Variants in PPFIA1 observed in about 807,000 individuals in gnomAD.
PPFIA1 encodes PPFI scaffold protein A1, also known as liprin-alpha-1.
In PPFIA1, 25 loss-of-function variants were observed where a neutral mutation model predicts 149.9. That is an observed-to-expected ratio of 0.17 (90% CI 0.12 to 0.23). PPFIA1 has a LOEUF of 0.23. PPFIA1 is among the 10% of genes least tolerant of loss of function. PPFIA1 has a pLI of 1.00. For missense variants in PPFIA1, 1,362 were observed against 1,506.5 expected (o/e 0.90, Z 1.59); for synonymous variants, 549 against 552.8 (o/e 0.99, Z 0.10).
intron 2 of PPFIA1, among the ~76,000 whole-genome samples, chr11:70,279,917 G>A (rs933302790): frequency 4.0e-5 from 6 of 151,506 alleles, no homozygotes; most frequent in Admixed American, 1.3e-4. Flanking sequence ...GTGTGTGTGT[G>A]TATATTTTTG....
At chr11:70,335,816 C>G in intron 11 of PPFIA1, 122 bp downstream of exon 11, 2 of 1,176,828 alleles carry the variant, frequency 1.7e-6, no homozygotes, top group Admixed American at 4.3e-5. Context: ...GGGAATTATT[C>G]TTTAAAGTGG....
At chr11:70,314,059 G>T (rs2053448661) in intron 2 of PPFIA1, among the ~76,000 whole-genome samples, 1 of 152,192 alleles carries the variant, frequency 6.6e-6, no homozygotes, top group South Asian at 2.1e-4. Context: ...TTTGCCTAGG[G>T]TAGGTGATTG....
intron 19 of PPFIA1, among the ~76,000 whole-genome samples, chr11:70,357,383 T>C (rs2056409741): frequency 6.6e-6 from 1 of 152,150 alleles, no homozygotes; most frequent in South Asian, 2.1e-4. Flanking sequence ...AGCTGATTTT[T>C]TTCTGTTGTG....
intron 2 of PPFIA1, among the ~76,000 whole-genome samples, chr11:70,314,174 A>G (rs1196764776): frequency 6.6e-6 from 1 of 152,198 alleles, no homozygotes; most frequent in Non-Finnish European, 1.5e-5. Flanking sequence ...ATAGACAGAC[A>G]GGAAACAGGG....
intron 2 of PPFIA1, among the ~76,000 whole-genome samples, chr11:70,295,962 A>T (rs1042551601): frequency 8.1e-5 from 12 of 148,186 alleles, no homozygotes; most frequent in African/African-American, 3.0e-4. Context: ...CTCCCTTCTC[A>T]GATGGGGCGG....
chr11:70,297,442 A>T (rs966308836), intron 2 of PPFIA1, among the ~76,000 whole-genome samples: 5 of 152,134 alleles, frequency 3.3e-5, no homozygotes, highest in African/African-American at 9.7e-5. Context: ...AAAAAGATGT[A>T]AACAATATGG....
In PPFIA1 at chr11:70,300,275, G is replaced by A. The variant is rs191176753; in HGVS notation, c.265-24127G>A. Among the ~76,000 whole-genome samples, 301 of 152,318 alleles carry A rather than the reference G, an allele frequency of 2.0e-3. 2 individuals are homozygous for A. The highest frequency in any genetic ancestry group is 6.8e-3 in the African/African-American group (284 of 41,560). ...TGGTTTCTTCTCACTCCTCATAGGT[G>A]CTTTTTCTCCGCCAGTTCCTACTGG... is the stretch of plus-strand genomic sequence containing the variant. On this transcript the variant is annotated intron_variant, in intron 2 of 27. Coordinates refer to ENST00000253925, the MANE Select transcript of PPFIA1 (RefSeq NM_003626.5).
At chr11:70,375,342 G>C in intron 24 of PPFIA1, 1 of 327,372 alleles carries the variant, frequency 3.1e-6, no homozygotes, top group Admixed American at 4.8e-5. Flanking sequence ...TCAGAAGAGT[G>C]ACATATATTT....
chr11:70,376,610 TG>T lies in PPFIA1; in HGVS notation c.3384+12del, dbSNP rs1565467950. ...TAGAAGGTTTGATGAAGTAAGTTTT[TG>T]GCCTAATGTTCTTTAAATGTCTGAA... On this transcript the variant is annotated intron_variant, in intron 25 of 27. Transcript: ENST00000253925. 1 of 1,600,532 alleles carries T rather than the reference TG, an allele frequency of 6.2e-7. No homozygotes were observed. The highest frequency in any genetic ancestry group is 1.1e-5 in the South Asian group (1 of 90,772).
chr11:70,335,844 A>G (rs2054940179), intron 11 of PPFIA1, 150 bp downstream of exon 11: 2 of 859,384 alleles, frequency 2.3e-6, no homozygotes, highest in East Asian at 2.7e-5. Flanking sequence ...ATGCACAGTT[A>G]TCCAGTCACT....
rs2057767273 is a variant in PPFIA1 at position 70,383,027 on chromosome 11, GATT to G, written c.*40_*42del. ...GTTTACCCACACTACTTCTACAGATGATTATGCAGCATTTGAATCCAACAAAGA... is the reference window on the plus strand; with the variant it reads ...GTTTACCCACACTACTTCTACAGATGATGCAGCATTTGAATCCAACAAAGA... On this transcript the variant is annotated 3_prime_UTR_variant, in exon 28 of 28. Transcript: ENST00000253925. 4.8e-6 allele frequency: 2 copies of G among 414,320 alleles called. No homozygotes were observed. The highest frequency in any genetic ancestry group is 9.3e-6 in the Non-Finnish European group (2 of 213,980). 25.7% of individuals were successfully genotyped at this position (414,320 alleles called of 1,614,324 possible). A position where few individuals can be genotyped will look rare whatever the true frequency, so the allele number is the denominator to read the frequency against.
intron 2 of PPFIA1, among the ~76,000 whole-genome samples, chr11:70,280,897 A>G (rs756155364): frequency 6.6e-6 from 1 of 152,034 alleles, no homozygotes; most frequent in Non-Finnish European, 1.5e-5. Flanking sequence ...TTACTGACCC[A>G]TCTTCCACCT....
At chr11:70,313,904 G>C (rs57320340) in intron 2 of PPFIA1, among the ~76,000 whole-genome samples, 33,289 of 152,098 alleles carry the variant, frequency 0.22, 5,557 homozygotes, top group African/African-American at 0.46. Context: ...TGTGGTCCCA[G>C]ATACTTGGGA....
chr11:70,303,452 A>C (rs2052624533), intron 2 of PPFIA1, among the ~76,000 whole-genome samples: 1 of 152,154 alleles, frequency 6.6e-6, no homozygotes, highest in Non-Finnish European at 1.5e-5. Flanking sequence ...TGCTAACTAC[A>C]ATTGTTATGA....
chr11:70,348,842 G>A (rs1293425279), intron 16 of PPFIA1, among the ~76,000 whole-genome samples: 1 of 152,098 alleles, frequency 6.6e-6, no homozygotes, highest in Non-Finnish European at 1.5e-5. Context: ...CTGCCCTCCA[G>A]CCTGGGCAGC....
At chr11:70,285,562 C>T (rs997665178) in intron 2 of PPFIA1, among the ~76,000 whole-genome samples, 1 of 151,682 alleles carries the variant, frequency 6.6e-6, no homozygotes, top group Non-Finnish European at 1.5e-5. Flanking sequence ...CAGCTGTAAT[C>T]CCAGCTACTC....
intron 16 of PPFIA1, among the ~76,000 whole-genome samples, chr11:70,348,662 C>T (rs2055864585): frequency 6.6e-6 from 1 of 152,192 alleles, no homozygotes; most frequent in African/African-American, 2.4e-5. Context: ...GGGCAGATCA[C>T]TTGAGCCCAG....
chr11:70,333,084 C>T (rs1162877588), intron 9 of PPFIA1: 2 of 462,650 alleles, frequency 4.3e-6, no homozygotes, highest in Non-Finnish European at 8.6e-6. Context: ...AACTTACTTC[C>T]AAGCTTAGGA....
At chr11:70,288,287 G>T (rs1470133047) in intron 2 of PPFIA1, among the ~76,000 whole-genome samples, 1 of 151,890 alleles carries the variant, frequency 6.6e-6, no homozygotes, top group South Asian at 2.1e-4. Context: ...GGCCAGTCTG[G>T]TCTTGAACTC....
Sources: gnomAD v4.1 joint callset for allele counts (sites outside exome capture counted in the v4.1 genomes callset) on GRCh38, gnomAD v4.1.1 for gene constraint, MANE v1.5 for transcripts, NCBI Gene and HGNC (gene_info 2026-07-23, HGNC 2026-07-21) for gene names.